Variants in STXBP2 observed in about 807,000 individuals in gnomAD.
STXBP2 encodes the protein syntaxin binding protein 2, also known as syntaxin-binding protein 2.
Under a neutral mutation model 72.2 loss-of-function variants are expected in STXBP2, and 47 were observed. The observed-to-expected ratio is 0.65, with a 90% CI of 0.51 to 0.83. The LOEUF (loss-of-function observed/expected upper bound fraction) is 0.83, where lower values mean the gene tolerates loss of function less well. Ranked by LOEUF, STXBP2 falls within the 40% of genes least tolerant of loss-of-function variation. STXBP2 has a pLI of 0.00. For synonymous variants in STXBP2, 367 were observed against 338.7 expected (o/e 1.08, Z -0.92); for missense variants, 702 against 807.6 (o/e 0.87, Z 1.58).
In STXBP2 at chr19:7,647,743, C is replaced by A. The variant is rs1428649357; in HGVS notation, c.1715C>A (p.Thr572Asn). 1 of 1,614,154 alleles carries A rather than the reference C, an allele frequency of 6.2e-7. No individual in the cohort carries two copies. The highest frequency in any genetic ancestry group is 1.7e-5 in the Admixed American group (1 of 60,020). ...EVLIGSSHIL[T>N]PTRFLDDLKA... ...TGCACAGGCTCCTCACACATCCTCA[C>A]CCCGACCCGCTTCCTGGATGACCTG... Residue 572 changes from threonine (T) to asparagine (N), a missense_variant, in exon 19 of 19, where the codon ACC becomes AAC. Thr to Asn is a moderately conservative substitution (Grantham distance 65). Coordinates refer to ENST00000221283, the MANE Select transcript of STXBP2 (RefSeq NM_006949.4).
In STXBP2 at chr19:7,641,734, C is replaced by G. The variant is rs550451142; in HGVS notation, c.459C>G (p.Thr153=). The part of the protein sequence containing the change: ...QVFSLDAPHS[T]YNLYCPFRAE... ...TCTCCCTCGATGCTCCCCACAGCAC[C>G]TACAACCTCTACTGCCCCTTCCGGG... Residue 153 remains threonine (T), a synonymous_variant, in exon 7 of 19, where the codon ACC becomes ACG. Transcript: ENST00000221283. The G allele has an allele frequency of 5.1e-6, 8 of 1,553,648 alleles. No homozygotes were observed. In the Admixed American group the frequency reaches 1.2e-4, roughly 23 times the overall value.
At chr19:7,633,488 C>T (rs747881069), upstream of STXBP2, 2 of 1,560,726 alleles carry the variant, frequency 1.3e-6, no homozygotes, top group Middle Eastern at 1.7e-4. Flanking sequence ...TTTCTGCTGG[C>T]CTCTGCCCCG....
chr19:7,639,297 C>G (rs977888213), intron 3 of STXBP2, 197 bp downstream of exon 3: 4 of 680,790 alleles, frequency 5.9e-6, no homozygotes, highest in Non-Finnish European at 7.9e-6. Flanking sequence ...TGCGGGAGCC[C>G]ATGGATTGCA....
rs752921208 is a variant in STXBP2, at chr19:7,643,094, C to A, written c.1026+46C>A. On this transcript the variant is annotated intron_variant, in intron 12 of 18. Transcript: ENST00000221283. ...AGCGGGGACACCTCGGCCCCTCAAC[C>A]CCATGCTCTGTCTGCGTTCTGCCTT... 9 of 1,613,818 alleles carry A rather than the reference C, an allele frequency of 5.6e-6. 1 individual carries two copies. Among genetic ancestry groups the A allele is most frequent in the Middle Eastern group, 1.6e-4 (1 of 6,084 alleles).
chr19:7,643,823 A>G (rs2032003123), intron 13 of STXBP2, among the ~76,000 whole-genome samples: 1 of 99,396 alleles, frequency 1.0e-5, no homozygotes, highest in African/African-American at 4.0e-5. Context: ...GAGGGGTGGG[A>G]CCTGGGAGAG....
upstream of STXBP2, among the ~76,000 whole-genome samples, chr19:7,634,173 C>A (rs1300638261): frequency 2.0e-5 from 3 of 152,192 alleles, no homozygotes; most frequent in Non-Finnish European, 4.4e-5. Context: ...CAGGTGGGAA[C>A]AGGAGGCGAG....
Position 7,647,746 on chromosome 19 carries a change from C to G in STXBP2, c.1718C>G (p.Pro573Arg), listed in dbSNP as rs768637937. Reference sequence around the variant, plus strand: ...ACAGGCTCCTCACACATCCTCACCCCGACCCGCTTCCTGGATGACCTGAAG... The same window carrying G: ...ACAGGCTCCTCACACATCCTCACCCGGACCCGCTTCCTGGATGACCTGAAG... ...VLIGSSHILT[P>R]TRFLDDLKAL... The change falls in exon 19 of 19, where the codon CCG becomes CGG. Residue 573 changes from proline to arginine, a missense_variant. Transcript: ENST00000221283. The G allele has an allele frequency of 2.5e-6, 4 of 1,614,132 alleles. No individual in the cohort carries two copies. The Admixed American group carries it at 6.7e-5, about 27-fold the overall frequency.
chr19:7,645,429 G>A, intron 15 of STXBP2, 123 bp downstream of exon 15: 2 of 979,012 alleles, frequency 2.0e-6, no homozygotes, highest in Admixed American at 2.2e-5. Context: ...GTGGTTGCTG[G>A]GAGGCCAAAA....
intron 15 of STXBP2, 134 bp from the exon 16 acceptor site, chr19:7,646,105 GTCTCTCGCTC>G (rs1000135223): frequency 5.9e-5 from 39 of 660,582 alleles, no homozygotes; most frequent in South Asian, 3.0e-4. Flanking sequence ...CTTTCTTGCT[GTCTCTCGCTC>G]TCTCTCGCTC....
In STXBP2 at chr19:7,642,888, G is replaced by T; in HGVS notation, c.960+65G>T. 1.2e-6 allele frequency: 2 copies of T among 1,613,408 alleles called. No homozygotes were observed. On this transcript the variant is annotated intron_variant, in intron 11 of 18. Coordinates refer to ENST00000221283, the MANE Select transcript of STXBP2 (RefSeq NM_006949.4). The surrounding 1 kb of genome is among the most constrained non-coding windows in gnomAD (Gnocchi z 6.0). ...GAAGCCCCCCTCCCCATGGGCGCAGGGCCACAGCCTGGATTTCGAGCCTGG... is the reference window on the plus strand; with the variant it reads ...GAAGCCCCCCTCCCCATGGGCGCAGTGCCACAGCCTGGATTTCGAGCCTGG...
chr19:7,633,736 C>G (rs953712181), upstream of STXBP2: 6 of 499,142 alleles, frequency 1.2e-5, no homozygotes, highest in African/African-American at 9.9e-5. Flanking sequence ...CAGGGACTCT[C>G]AGGTGTGATG....
chr19:7,642,659 C>G lies in STXBP2; in HGVS notation c.903-107C>G, dbSNP rs1185016452. 4.7e-6 allele frequency: 7 copies of G among 1,477,954 alleles called. No individual in the cohort carries two copies. Among genetic ancestry groups the G allele is most frequent in the Non-Finnish European group, 6.6e-6 (7 of 1,063,596 alleles). 91.6% of individuals were successfully genotyped at this position (1,477,954 alleles called of 1,614,324 possible). A position where few individuals can be genotyped will look rare whatever the true frequency, so the allele number is the denominator to read the frequency against. The stretch of plus-strand genomic sequence containing the variant: ...TGAGCACCCCTCGTGTGACTCCAGA[C>G]TGGCCTCCAATTTCACCCCACCTCT... On this transcript the variant is annotated intron_variant, in intron 10 of 18. Transcript: ENST00000221283. This position sits in a 1 kb window ranked among gnomAD's most constrained non-coding sequence, Gnocchi z 6.0.
upstream of STXBP2, chr19:7,633,572 G>A (rs2031426238): frequency 4.0e-6 from 4 of 993,932 alleles, no homozygotes; most frequent in East Asian, 1.1e-4. Context: ...CAAATCCCCA[G>A]CTCATGCCCC....
chr19:7,644,807 A>G, intron 14 of STXBP2, 55 bp downstream of exon 14: 7 of 1,611,940 alleles, frequency 4.3e-6, no homozygotes, highest in Non-Finnish European at 5.9e-6. Flanking sequence ...GTCTCCCACG[A>G]TCCTGGGAAC....
chr19:7,630,757 AC>A, the STXBP2 span: 3 of 1,536,166 alleles, frequency 2.0e-6, no homozygotes, highest in Non-Finnish European at 2.6e-6. Context: ...CCATAAGCCG[AC>A]CCTGCCCTGA....
chr19:7,630,778 C>T, the STXBP2 span: 1 of 1,537,208 alleles, frequency 6.5e-7, no homozygotes, highest in Non-Finnish European at 8.7e-7. Context: ...ATGTGGGGCT[C>T]TGGAGGCCTT....
rs2093574914 is a variant in STXBP2 at position 7,642,916 on chromosome 19, T to C, written c.961-67T>C. ...CACAGCCTGGATTTCGAGCCTGGAC[T>C]GAGACCCAGGTGGGCACTGCCTGGC... On this transcript the variant is annotated intron_variant, in intron 11 of 18. Transcript: ENST00000221283. The surrounding 1 kb of genome is among the most constrained non-coding windows in gnomAD (Gnocchi z 6.0). 4 of 1,612,158 alleles carry C rather than the reference T, an allele frequency of 2.5e-6. No homozygotes were observed. The African/African-American group carries it at 5.3e-5, about 22-fold the overall frequency.
chr19:7,632,417 G>A (rs142047040), upstream of STXBP2: 773 of 1,613,946 alleles, frequency 4.8e-4, 1 homozygote, highest in African/African-American at 8.9e-3. The surrounding 1 kb of genome is among the most constrained non-coding windows in gnomAD (Gnocchi z 5.2). Flanking sequence ...GCTGGAAGCC[G>A]GGCAGGCTGC....
the STXBP2 span, chr19:7,629,958 C>T: frequency 2.2e-6 from 3 of 1,339,900 alleles, no homozygotes; most frequent in Admixed American, 3.1e-5. Context: ...GAAGAGGGAG[C>T]TCCAAGGAGA....
Sources: gnomAD v4.1 joint callset for allele counts (sites outside exome capture counted in the v4.1 genomes callset) on GRCh38, gnomAD v4.1.1 for gene constraint, Gnocchi (gnomAD v3.1) non-coding constraint, MANE v1.5 for transcripts, NCBI Gene and HGNC (gene_info 2026-07-23, HGNC 2026-07-21) for gene names.